Variants in CMSS1 observed in about 807,000 individuals in gnomAD.
The protein encoded by CMSS1 is protein CMSS1.
In CMSS1, 33 loss-of-function variants were observed where a neutral mutation model predicts 43.5. That is an observed-to-expected ratio of 0.76 (90% CI 0.57 to 1.01). The LOEUF is 1.01. CMSS1 is among the 50% of genes least tolerant of loss of function. The pLI is 0.00. For synonymous variants in CMSS1, 115 were observed against 117.2 expected (o/e 0.98, Z 0.12); for missense variants, 313 against 326.4 (o/e 0.96, Z 0.32).
At chr3:99,878,588 A>G (rs1705617925) in intron 1 of CMSS1, among the ~76,000 whole-genome samples, 1 of 152,154 alleles carries the variant, frequency 6.6e-6, no homozygotes, top group African/African-American at 2.4e-5. Context: ...GTTTCTGTTT[A>G]TTTTCTAGAC....
chr3:100,139,368 AT>A (rs903596425), intron 1 of CMSS1, among the ~76,000 whole-genome samples: 9 of 151,892 alleles, frequency 5.9e-5, no homozygotes, highest in African/African-American at 1.9e-4. Flanking sequence ...CCCTTGAAAC[AT>A]TTTTTTAATT....
At chr3:100,158,024 A>C (rs1307073089) in intron 2 of CMSS1, among the ~76,000 whole-genome samples, 1 of 152,122 alleles carries the variant, frequency 6.6e-6, no homozygotes, top group African/African-American at 2.4e-5. Context: ...AGTCACTTCT[A>C]TCCAGCTCCA....
At chr3:100,169,897 TA>T (rs1224293777) in intron 6 of CMSS1, among the ~76,000 whole-genome samples, 1 of 152,248 alleles carries the variant, frequency 6.6e-6, no homozygotes, top group Non-Finnish European at 1.5e-5. Flanking sequence ...ACTTTTGTTA[TA>T]CATAAATTCC....
intron 1 of CMSS1, among the ~76,000 whole-genome samples, chr3:99,828,334 C>A (rs540542844): frequency 3.3e-5 from 5 of 151,212 alleles, no homozygotes; most frequent in South Asian, 2.1e-4. Context: ...TTCATTTACT[C>A]ATTCTCTATT....
At chr3:100,117,829 A>ATGTATG (rs1559763259) in intron 1 of CMSS1, among the ~76,000 whole-genome samples, 7 of 87,084 alleles carry the variant, frequency 8.0e-5, no homozygotes, top group African/African-American at 3.7e-4. Context: ...ACTGCAGTAT[A>ATGTATG]TATATATATA....
At position 100,114,958 on chromosome 3, in the gene CMSS1, A is replaced by G. The variant is rs961519802; in HGVS notation, c.65-32015A>G. The G allele has an allele frequency of 2.0e-6, 3 of 1,535,666 alleles. No homozygotes were observed. The African/African-American group carries it at 4.1e-5, about 21-fold the overall frequency. ...AGTGTCACAGGAGACACGAGGGCAA[A>G]GTGCTGAGGAAACTCTAGAGCAACA... On this transcript the variant is annotated intron_variant, in intron 1 of 9. Transcript: ENST00000421999.
intron 1 of CMSS1, among the ~76,000 whole-genome samples, chr3:100,006,799 A>G (rs180972579): frequency 1.3e-5 from 2 of 152,352 alleles, no homozygotes; most frequent in East Asian, 3.9e-4. Flanking sequence ...GCGGCATGTC[A>G]GCCAAAGTAA....
In CMSS1 at chr3:99,899,025, C is replaced by T. The variant is rs993432957; in HGVS notation, c.64+80982C>T. ...ACCTGAGAAGGCTGGAACACACATA[C>T]TGAAAAAAAAATGTGGTTATTCCTC... On this transcript the variant is annotated intron_variant, in intron 1 of 9. Transcript: ENST00000421999. Among the ~76,000 whole-genome samples the T allele has an allele frequency of 5.9e-5, 9 of 151,922 alleles. No individual in the cohort carries two copies. The East Asian group carries it at 1.7e-3, about 29-fold the overall frequency.
chr3:100,163,315 G>T (rs1048654925), intron 4 of CMSS1, among the ~76,000 whole-genome samples: 1 of 152,094 alleles, frequency 6.6e-6, no homozygotes, highest in Admixed American at 6.5e-5. Context: ...CTCTTATTAT[G>T]GATTTCTAGT....
At chr3:100,109,903 A>ACCGCCCCCCCCC (rs1491348077) in intron 1 of CMSS1, 1 of 72,322 alleles carries the variant, frequency 1.4e-5, no homozygotes, top group African/African-American at 5.7e-5. Context: ...TTCTTTTATG[A>ACCGCCCCCCCCC]CCCCCCCCCC....
intron 1 of CMSS1, chr3:99,929,904 C>T (rs200563011): frequency 3.6e-5 from 58 of 1,613,952 alleles, no homozygotes; most frequent in South Asian, 1.4e-4. Context: ...GGGTAGATTT[C>T]GCTTGAAAAG....
chr3:100,010,522 C>A (rs758330496), intron 1 of CMSS1, among the ~76,000 whole-genome samples: 1 of 152,052 alleles, frequency 6.6e-6, no homozygotes, highest in Non-Finnish European at 1.5e-5. Flanking sequence ...GCAGTGACTT[C>A]CAGTTGTATT....
chr3:100,043,388 A>G (rs1019551478), intron 1 of CMSS1, among the ~76,000 whole-genome samples: 1 of 152,036 alleles, frequency 6.6e-6, no homozygotes, highest in African/African-American at 2.4e-5. Flanking sequence ...TCGTTCTTGA[A>G]TCTCATTTTC....
chr3:99,916,815 TACTC>T (rs1326991674), intron 1 of CMSS1, among the ~76,000 whole-genome samples: 1 of 152,214 alleles, frequency 6.6e-6, no homozygotes, highest in Non-Finnish European at 1.5e-5. Flanking sequence ...TGTGCAGTGA[TACTC>T]ACTCATCACT....
chr3:100,082,143 A>AATGAAATTG (rs1209612937), intron 1 of CMSS1, among the ~76,000 whole-genome samples: 68 of 152,380 alleles, frequency 4.5e-4, no homozygotes, highest in African/African-American at 1.5e-3. Context: ...CAAAATACAA[A>AATGAAATTG]CAACTCTTTA....
At chr3:99,834,194 G>A (rs1261235798) in intron 1 of CMSS1, among the ~76,000 whole-genome samples, 1 of 152,144 alleles carries the variant, frequency 6.6e-6, no homozygotes, top group Non-Finnish European at 1.5e-5. Flanking sequence ...ATCACTACAA[G>A]TTTTACGCTT....
At chr3:100,014,975 T>A (rs1462311355) in intron 1 of CMSS1, among the ~76,000 whole-genome samples, 1 of 140,540 alleles carries the variant, frequency 7.1e-6, no homozygotes, top group Non-Finnish European at 1.5e-5. Context: ...CCTACCAATA[T>A]CAAGAAGCTT....
intron 1 of CMSS1, among the ~76,000 whole-genome samples, chr3:100,007,253 C>A (rs1277290613): frequency 2.0e-5 from 3 of 152,180 alleles, no homozygotes; most frequent in Non-Finnish European, 4.4e-5. Flanking sequence ...GTCTCTCAGA[C>A]ATACTCTTTT....
chr3:99,958,214 TTATTA>T (rs1278187557), intron 1 of CMSS1, among the ~76,000 whole-genome samples: 1 of 135,848 alleles, frequency 7.4e-6, no homozygotes, highest in Middle Eastern at 3.4e-3. Context: ...ATTATTATTA[TTATTA>T]TTATTATTAT....
Sources: allele counts gnomAD v4.1 joint callset (sites outside exome capture counted in the v4.1 genomes callset), GRCh38; gene constraint gnomAD v4.1.1; transcripts MANE v1.5; gene names NCBI Gene and HGNC (gene_info 2026-07-23, HGNC 2026-07-21).